The following UNC5C variants were observed in gnomAD, a reference collection of about 807,000 sequenced individuals.
UNC5C encodes the protein netrin receptor UNC5C.
A neutral mutation model predicts 99.8 loss-of-function variants in UNC5C; 47 were observed. That is an observed-to-expected ratio of 0.47 (90% CI 0.37 to 0.60). UNC5C has a LOEUF of 0.60. Ranked by LOEUF, UNC5C falls within the 20% of genes least tolerant of loss-of-function variation. UNC5C has a pLI of 0.00. For missense variants in UNC5C, 1,062 were observed against 1,165.9 expected (o/e 0.91, Z 1.30); for synonymous variants, 487 against 452.2 (o/e 1.08, Z -0.98).
At chr4:95,466,790 TAAGA>T (rs1747792390) in intron 1 of UNC5C, among the ~76,000 whole-genome samples, 1 of 152,206 alleles carries the variant, frequency 6.6e-6, no homozygotes, top group African/African-American at 2.4e-5. Context: ...TTTTCTTTCT[TAAGA>T]AAGATGGTGA....
intron 1 of UNC5C, among the ~76,000 whole-genome samples, chr4:95,481,414 C>A (rs531038084): frequency 1.3e-5 from 2 of 151,778 alleles, no homozygotes; most frequent in Non-Finnish European, 2.9e-5. Context: ...GAATCAATAT[C>A]GTGAAAATGG....
At chr4:95,362,179 T>C (rs371110954) in intron 1 of UNC5C, among the ~76,000 whole-genome samples, 86 of 152,218 alleles carry the variant, frequency 5.6e-4, no homozygotes, top group African/African-American at 2.0e-3. Flanking sequence ...ATCTATTTCT[T>C]CTTGTTTTGA....
intron 1 of UNC5C, among the ~76,000 whole-genome samples, chr4:95,517,990 C>CGGGCCGGGCGCG (rs1722258643): frequency 6.6e-6 from 1 of 152,022 alleles, no homozygotes; most frequent in East Asian, 1.9e-4. Context: ...ATCTGGGAGA[C>CGGGCCGGGCGCG]GTTAGAGACT....
intron 14 of UNC5C, among the ~76,000 whole-genome samples, chr4:95,182,390 C>T (rs965307928): frequency 1.3e-5 from 2 of 152,100 alleles, no homozygotes; most frequent in Non-Finnish European, 1.5e-5. Flanking sequence ...AGAGATTTCT[C>T]CTTTCTTCCT....
rs932440696 is a variant in UNC5C, at chr4:95,371,100, A to G, written c.125-35469T>C. The stretch of plus-strand genomic sequence containing the variant: ...ATTAGAAACTTCTAGTTGTTTATTG[A>G]TAAAGTTACTTTAAACATTGTTTAG... On this transcript the variant is annotated intron_variant, in intron 1 of 15. Coordinates refer to ENST00000453304, the MANE Select transcript of UNC5C (RefSeq NM_003728.4). 1.1e-4 allele frequency among the ~76,000 whole-genome samples: 16 copies of G among 152,194 alleles called. 1 individual carries two copies. The highest frequency in any genetic ancestry group is 3.9e-4 in the African/African-American group (16 of 41,456).
At chr4:95,239,190 T>C (rs1739236977) in intron 7 of UNC5C, among the ~76,000 whole-genome samples, 1 of 152,200 alleles carries the variant, frequency 6.6e-6, no homozygotes, top group Non-Finnish European at 1.5e-5. Flanking sequence ...GATAGTGGCT[T>C]GCTGTTTGCT....
intron 1 of UNC5C, among the ~76,000 whole-genome samples, chr4:95,346,239 T>C (rs1028798591): frequency 1.3e-5 from 2 of 151,644 alleles, no homozygotes; most frequent in African/African-American, 4.8e-5. Flanking sequence ...CATGAAGAAA[T>C]CCAAGACTCG....
chr4:95,257,984 G>A (rs1180440431), intron 4 of UNC5C, among the ~76,000 whole-genome samples: 1 of 152,288 alleles, frequency 6.6e-6, no homozygotes, highest in Non-Finnish European at 1.5e-5. Context: ...ATCATGTAAA[G>A]GATTGTCTGA....
chr4:95,421,486 G>C (rs575384373), intron 1 of UNC5C, among the ~76,000 whole-genome samples: 1 of 139,424 alleles, frequency 7.2e-6, no homozygotes, highest in Non-Finnish European at 1.6e-5. Flanking sequence ...TACTATGGTA[G>C]ATTTTTTTTT....
intron 14 of UNC5C, among the ~76,000 whole-genome samples, chr4:95,179,939 A>C (rs1736542890): frequency 6.6e-6 from 1 of 151,606 alleles, no homozygotes; most frequent in Non-Finnish European, 1.5e-5. Context: ...ATAGGATCTG[A>C]GTTTTATTTT....
rs1222732432 is a variant in UNC5C at position 95,164,329 on chromosome 4, CT to C, written c.*4904del. 1 of 152,110 alleles carries C rather than the reference CT, an allele frequency of 6.6e-6. No individual in the cohort carries two copies. 9.4% of individuals were successfully genotyped at this position (152,110 alleles called of 1,614,324 possible). A position where few individuals can be genotyped will look rare whatever the true frequency, so the allele number is the denominator to read the frequency against. On this transcript the variant is annotated 3_prime_UTR_variant, in exon 16 of 16. Coordinates refer to ENST00000453304, the MANE Select transcript of UNC5C (RefSeq NM_003728.4). ...ACAATATATTTATTCCCCCTTATGC[CT>C]TATTCCATTAAAAAGAAATAATTAG...
chr4:95,382,864 T>G (rs904595073), intron 1 of UNC5C, among the ~76,000 whole-genome samples: 2 of 152,198 alleles, frequency 1.3e-5, no homozygotes, highest in Non-Finnish European at 2.9e-5. Context: ...AAATGCTCCA[T>G]TGTCCAAATT....
intron 12 of UNC5C, among the ~76,000 whole-genome samples, chr4:95,199,389 C>G (rs1422674657): frequency 6.6e-6 from 1 of 152,100 alleles, no homozygotes; most frequent in African/African-American, 2.4e-5. Flanking sequence ...TTTGGTATTT[C>G]TGCATTATTA....
chr4:95,354,488 T>A (rs1744107891), intron 1 of UNC5C, among the ~76,000 whole-genome samples: 11 of 145,952 alleles, frequency 7.5e-5, no homozygotes, highest in African/African-American at 2.3e-4. Flanking sequence ...TATTTTTTTT[T>A]TTTTTTTAAG....
At chr4:95,224,962 G>A (rs548560028) in intron 7 of UNC5C, among the ~76,000 whole-genome samples, 9 of 151,618 alleles carry the variant, frequency 5.9e-5, no homozygotes, top group African/African-American at 1.5e-4. Flanking sequence ...CAATAAATAC[G>A]AAAGTCCTGA....
At chr4:95,229,113 C>T (rs1172256808) in intron 7 of UNC5C, among the ~76,000 whole-genome samples, 1 of 152,150 alleles carries the variant, frequency 6.6e-6, no homozygotes, top group African/African-American at 2.4e-5. Context: ...AGGAGCTCTA[C>T]ACATCAGAAG....
chr4:95,356,226 A>AAAAAAAAAAAAAAAAAAC (rs1371053400), intron 1 of UNC5C, among the ~76,000 whole-genome samples: 2 of 144,712 alleles, frequency 1.4e-5, no homozygotes, highest in Non-Finnish European at 3.1e-5. Flanking sequence ...AACAAAAAAA[A>AAAAAAAAAAAAAAAAAAC]AACAGATTCC....
intron 3 of UNC5C, among the ~76,000 whole-genome samples, chr4:95,278,593 G>A (rs958763205): frequency 7.9e-5 from 12 of 151,776 alleles, no homozygotes; most frequent in Non-Finnish European, 1.6e-4. Context: ...TCCTGCCTCA[G>A]CCTTCTGAGT....
chr4:95,175,142 C>T (rs1489070089), intron 14 of UNC5C, among the ~76,000 whole-genome samples: 9 of 151,856 alleles, frequency 5.9e-5, no homozygotes, highest in African/African-American at 2.2e-4. Context: ...TGTGTCTCTG[C>T]ACGTGAGATG....
Sources: allele counts gnomAD v4.1 joint callset (sites outside exome capture counted in the v4.1 genomes callset), GRCh38; gene constraint gnomAD v4.1.1; transcripts MANE v1.5; gene names NCBI Gene and HGNC (gene_info 2026-07-23, HGNC 2026-07-21).